The following CAMTA1 variants were observed in gnomAD, a reference collection of about 807,000 sequenced individuals.
CAMTA1 encodes calmodulin-binding transcription activator 1.
Under a neutral mutation model 170.9 loss-of-function variants are expected in CAMTA1, and 27 were observed. The ratio of observed to expected loss-of-function variants is 0.16; its 90% CI spans 0.12 to 0.22. The LOEUF is 0.22. CAMTA1 is among the 10% of genes least tolerant of loss of function. CAMTA1 has a pLI of 1.00. For synonymous variants in CAMTA1, 833 were observed against 891.5 expected (o/e 0.93, Z 1.17); for missense variants, 1,619 against 2,217.2 (o/e 0.73, Z 5.42).
At chr1:7,621,772 G>A (rs1198978631) in intron 6 of CAMTA1, among the ~76,000 whole-genome samples, 4 of 152,172 alleles carry the variant, frequency 2.6e-5, no homozygotes, top group South Asian at 2.1e-4. Flanking sequence ...CGAGCAGGTC[G>A]GGGGTGCCAG....
rs961179925 is a variant in CAMTA1 at position 7,767,999 on chromosome 1, A to C, written c.*1508A>C. 6.6e-6 allele frequency: 1 copy of C among 152,548 alleles called. No individual in the cohort carries two copies. Among genetic ancestry groups the C allele is most frequent in the African/African-American group, 2.4e-5 (1 of 41,422 alleles). The allele number at this position is 152,548 out of a possible 1,614,324, so 9.4% of individuals were successfully genotyped here. A position where few individuals can be genotyped will look rare whatever the true frequency, so the allele number is the denominator to read the frequency against. On this transcript the variant is annotated 3_prime_UTR_variant, in exon 23 of 23. Coordinates refer to ENST00000303635, the MANE Select transcript of CAMTA1 (RefSeq NM_015215.4). ...TTGCCAATGGTGCCAAGTAATGTGA[A>C]TGCTAATACTGCTTAAGAAAATTAA...
At chr1:7,688,011 C>CTTTTTTTTTTTTTTTTTTTTTTTTT (rs70987364) in intron 11 of CAMTA1, among the ~76,000 whole-genome samples, 5 of 103,276 alleles carry the variant, frequency 4.8e-5, no homozygotes, top group Admixed American at 1.0e-4. Context: ...CTCATTATTC[C>CTTTTTTTTTTTTTTTTTTTTTTTTT]TTTTTTTTTT....
chr1:7,219,765 G>T (rs1367158449), intron 4 of CAMTA1, among the ~76,000 whole-genome samples: 1 of 152,036 alleles, frequency 6.6e-6, no homozygotes, highest in Non-Finnish European at 1.5e-5. Flanking sequence ...GCCTGGTGTG[G>T]TGGCTCACAC....
intron 5 of CAMTA1, among the ~76,000 whole-genome samples, chr1:7,349,391 A>G (rs1238810596): frequency 6.6e-6 from 1 of 151,732 alleles, no homozygotes; most frequent in Non-Finnish European, 1.5e-5. Flanking sequence ...GGGGAAACTC[A>G]CTCCCTGCAC....
chr1:7,766,080 A>G (rs190894780), intron 22 of CAMTA1, among the ~76,000 whole-genome samples: 1 of 152,044 alleles, frequency 6.6e-6, no homozygotes, highest in Non-Finnish European at 1.5e-5. Flanking sequence ...CCTAATTTAC[A>G]TCATACAGAG....
chr1:7,475,984 ACAG>A (rs551689036), intron 6 of CAMTA1, among the ~76,000 whole-genome samples: 2,345 of 152,314 alleles, frequency 0.015, 67 homozygotes, highest in African/African-American at 0.053. Flanking sequence ...TGCTGGCCTC[ACAG>A]GGACCAGTCC....
chr1:7,540,910 A>G (rs2094602745), intron 6 of CAMTA1, among the ~76,000 whole-genome samples: 1 of 152,220 alleles, frequency 6.6e-6, no homozygotes, highest in African/African-American at 2.4e-5. Context: ...TGCTGCACCA[A>G]CAGGAGGAGG....
rs1574516008 is a variant in CAMTA1, at chr1:7,299,608, A to AT, written c.438+49984dup. ...TGTCTCAGGCTCCTGGAACCTTCCG[A>AT]TTAAGCCTCCACTTCCATCTCCTCC... On this transcript the variant is annotated intron_variant, in intron 5 of 22. Coordinates refer to ENST00000303635, the MANE Select transcript of CAMTA1 (RefSeq NM_015215.4). This position sits in a 1 kb window ranked among gnomAD's most constrained non-coding sequence, Gnocchi z 4.7. Among the ~76,000 whole-genome samples, 1 of 152,126 alleles carries AT rather than the reference A, an allele frequency of 6.6e-6. No homozygotes were observed. The highest frequency in any genetic ancestry group is 2.4e-5 in the African/African-American group (1 of 41,432).
At chr1:6,999,788 A>C (rs1220221894) in intron 3 of CAMTA1, among the ~76,000 whole-genome samples, 1 of 152,152 alleles carries the variant, frequency 6.6e-6, no homozygotes, top group Non-Finnish European at 1.5e-5. Flanking sequence ...CTGCACCCTC[A>C]CTTGTGCTCT....
intron 3 of CAMTA1, among the ~76,000 whole-genome samples, chr1:6,962,480 A>T (rs1401328139): frequency 8.3e-6 from 1 of 120,048 alleles, no homozygotes; most frequent in Non-Finnish European, 1.7e-5. Flanking sequence ...TCTCCCTGCC[A>T]GCCCCGCCCC....
chr1:6,805,567 G>A (rs996134080), intron 1 of CAMTA1, among the ~76,000 whole-genome samples: 2 of 152,190 alleles, frequency 1.3e-5, no homozygotes, highest in Non-Finnish European at 2.9e-5. Context: ...GTGTAGTGAT[G>A]CAGTCATGTC....
chr1:7,025,064 G>A (rs1251956907), intron 3 of CAMTA1, among the ~76,000 whole-genome samples: 1 of 152,208 alleles, frequency 6.6e-6, no homozygotes, highest in East Asian at 1.9e-4. Context: ...AGTATTCATG[G>A]CTTGTTCCCT....
chr1:7,745,025 G>A lies in CAMTA1; in HGVS notation c.4370+3G>A, dbSNP rs531732781. On this transcript the variant is annotated splice_donor_region_variant and intron_variant, in intron 17 of 22. Transcript: ENST00000303635. ...CTTCCCAGTGCTGCCCAGATCCGGT[G>A]AGTAAAGTTACGGAGGTCACTACCC... The A allele has an allele frequency of 6.2e-7, 1 of 1,609,144 alleles. No homozygotes were observed. The highest frequency in any genetic ancestry group is 2.2e-5 in the East Asian group (1 of 44,850).
chr1:7,560,520 GC>G (rs1206792767), intron 6 of CAMTA1, among the ~76,000 whole-genome samples: 2 of 152,218 alleles, frequency 1.3e-5, no homozygotes, highest in African/African-American at 2.4e-5. Context: ...TCTCCATCAG[GC>G]CCCAAGGATA....
intron 6 of CAMTA1, among the ~76,000 whole-genome samples, chr1:7,550,510 G>C (rs1197345115): frequency 6.7e-6 from 1 of 149,220 alleles, no homozygotes; most frequent in African/African-American, 2.5e-5. Context: ...CATATGGTAG[G>C]GGCCTCGCCC....
In CAMTA1 at chr1:7,562,039, G is replaced by A. The variant is rs1041558531; in HGVS notation, c.511-78361G>A. Among the ~76,000 whole-genome samples the A allele has an allele frequency of 6.6e-6, 1 of 152,114 alleles. No individual in the cohort carries two copies. The highest frequency in any genetic ancestry group is 6.5e-5 in the Admixed American group (1 of 15,274). On this transcript the variant is annotated intron_variant, in intron 6 of 22. Transcript: ENST00000303635. The surrounding 1 kb of genome is among the most constrained non-coding windows in gnomAD (Gnocchi z 4.8). ...CAGACTTTGTCCCCATCGAAGGGTC[G>A]TGGCCAAGATGGTGATTGGGAGATG...
At chr1:7,104,239 T>C (rs890302628) in intron 4 of CAMTA1, among the ~76,000 whole-genome samples, 1 of 134,944 alleles carries the variant, frequency 7.4e-6, no homozygotes. Context: ...TACACACGTG[T>C]ACACACAACA....
intron 3 of CAMTA1, among the ~76,000 whole-genome samples, chr1:6,993,212 A>G (rs1444187268): frequency 6.6e-6 from 1 of 152,158 alleles, no homozygotes; most frequent in Non-Finnish European, 1.5e-5. Flanking sequence ...ACATTTTCAT[A>G]TAAATTTAGA....
chr1:7,103,985 CAAGTACACACATGAACACAACA>C (rs1415584620), intron 4 of CAMTA1, among the ~76,000 whole-genome samples: 1 of 151,274 alleles, frequency 6.6e-6, no homozygotes, highest in Non-Finnish European at 1.5e-5. Context: ...ACACAACACA[CAAGTACACACATGAACACAACA>C]CACTACACAC....
Sources: allele counts gnomAD v4.1 joint callset (sites outside exome capture counted in the v4.1 genomes callset), GRCh38; gene constraint gnomAD v4.1.1; non-coding constraint Gnocchi (gnomAD v3.1); transcripts MANE v1.5; gene names NCBI Gene and HGNC (gene_info 2026-07-23, HGNC 2026-07-21).